The following ZNF567 variants were observed in gnomAD, a reference collection of about 807,000 sequenced individuals.
ZNF567 encodes zinc finger protein 567.
In ZNF567, 36 loss-of-function variants were observed where a neutral mutation model predicts 53.9. The ratio of observed to expected loss-of-function variants is 0.67; its 90% CI spans 0.51 to 0.88. The LOEUF is 0.88. ZNF567 is among the 40% of genes least tolerant of loss of function. The pLI, the probability that ZNF567 is intolerant of heterozygous loss-of-function variation, is 0.00. For missense variants in ZNF567, 619 were observed against 764.7 expected (o/e 0.81, Z 2.25); for synonymous variants, 224 against 260.4 (o/e 0.86, Z 1.35).
At position 36,719,948 on chromosome 19, in the gene ZNF567, T is replaced by G. The variant is rs778567221; in HGVS notation, c.1224T>G (p.Leu408=). ...CGKSFHQKAN[L]TVHQRTHTGE... Reference sequence around the variant, plus strand: ...AGTCCTTTCACCAGAAGGCAAATCTTACTGTACATCAGAGAACTCATACAG... The same window carrying G: ...AGTCCTTTCACCAGAAGGCAAATCTGACTGTACATCAGAGAACTCATACAG... The change falls in exon 6 of 6, where the codon CTT becomes CTG. Residue 408 remains leucine (L), a synonymous_variant. Coordinates refer to ENST00000682579, the MANE Select transcript of ZNF567 (RefSeq NM_001322917.1). 35 of 1,613,350 alleles carry G rather than the reference T, an allele frequency of 2.2e-5. 1 individual carries two copies. In the South Asian group the frequency reaches 3.7e-4, roughly 17 times the overall value.
intron 3 of ZNF567, among the ~76,000 whole-genome samples, chr19:36,695,567 C>A (rs2145613675): frequency 6.6e-6 from 1 of 152,010 alleles, no homozygotes; most frequent in African/African-American, 2.4e-5. Flanking sequence ...GGTGCAGTGG[C>A]ATGCACCTGT....
At chr19:36,721,745 T>TTTC (rs2040304560), downstream of ZNF567, among the ~76,000 whole-genome samples, 1 of 102,652 alleles carries the variant, frequency 9.7e-6, no homozygotes, top group African/African-American at 4.7e-5. Context: ...TTTTTTTTTC[T>TTTC]TTTTTTTTTT....
intron 2 of ZNF567, among the ~76,000 whole-genome samples, chr19:36,693,145 G>A (rs186075679): frequency 1.7e-4 from 26 of 151,976 alleles, no homozygotes; most frequent in African/African-American, 4.8e-4. Flanking sequence ...AAAGTTAGCC[G>A]GTCTTGATGG....
intron 5 of ZNF567, among the ~76,000 whole-genome samples, chr19:36,714,182 G>A (rs933326188): frequency 6.6e-6 from 1 of 152,012 alleles, no homozygotes; most frequent in Non-Finnish European, 1.5e-5. Context: ...TTGTTTTTGA[G>A]ATGGAGTCTT....
the ZNF567 span, among the ~76,000 whole-genome samples, chr19:36,676,102 T>TG: frequency 7.5e-6 from 1 of 134,020 alleles, no homozygotes; most frequent in Non-Finnish European, 1.6e-5. Flanking sequence ...AGTCTCACTC[T>TG]GTTGCCCAGG....
the ZNF567 span, among the ~76,000 whole-genome samples, chr19:36,676,055 C>CTTTTTTTTTTTTT: frequency 8.7e-4 from 53 of 60,618 alleles, 14 homozygotes; most frequent in Non-Finnish European, 1.1e-3. Context: ...TATTCTACAC[C>CTTTTTTTTTTTTT]TTTTTTTTTT....
At chr19:36,712,354 A>C in intron 3 of ZNF567, 32 bp from the exon 4 acceptor site, 1 of 1,605,066 alleles carries the variant, frequency 6.2e-7, no homozygotes, top group Non-Finnish European at 8.5e-7. Context: ...GGCTAAGTCC[A>C]CCTGTTCTGA....
At chr19:36,672,396 AGG>A in the ZNF567 span, among the ~76,000 whole-genome samples, 1 of 152,244 alleles carries the variant, frequency 6.6e-6, no homozygotes, top group Non-Finnish European at 1.5e-5. Context: ...TACTTACCAA[AGG>A]GTAACCTTAG....
the ZNF567 span, among the ~76,000 whole-genome samples, chr19:36,678,679 T>TA: frequency 1.3e-5 from 2 of 149,874 alleles, no homozygotes; most frequent in Admixed American, 1.3e-4. Context: ...CCATCTCTAC[T>TA]AAAAAATACA....
intron 2 of ZNF567, among the ~76,000 whole-genome samples, chr19:36,694,492 T>A (rs1199344241): frequency 6.6e-6 from 1 of 152,146 alleles, no homozygotes; most frequent in Non-Finnish European, 1.5e-5. Flanking sequence ...GTACTATGAA[T>A]GGTACAGCCT....
chr19:36,698,455 G>A (rs1320345766), intron 3 of ZNF567, among the ~76,000 whole-genome samples: 20 of 150,834 alleles, frequency 1.3e-4, no homozygotes, highest in South Asian at 2.1e-4. Context: ...TGGGATGGCT[G>A]GGTCAAATGG....
At chr19:36,706,320 G>C (rs1174978255) in intron 3 of ZNF567, among the ~76,000 whole-genome samples, 1 of 152,182 alleles carries the variant, frequency 6.6e-6, no homozygotes, top group Non-Finnish European at 1.5e-5. Flanking sequence ...TCGAGATAGG[G>C]CCTCGCTTTG....
At chr19:36,671,599 G>A in the ZNF567 span, among the ~76,000 whole-genome samples, 1 of 152,210 alleles carries the variant, frequency 6.6e-6, no homozygotes, top group Non-Finnish European at 1.5e-5. Flanking sequence ...TCAAGTGTCA[G>A]TAGCAGAGAG....
chr19:36,668,955 G>A, the ZNF567 span: 7 of 152,116 alleles, frequency 4.6e-5, no homozygotes, highest in African/African-American at 1.7e-4. Flanking sequence ...AAATATCTGG[G>A]AAAAGAAGTT....
At chr19:36,702,330 C>T (rs559906156) in intron 3 of ZNF567, among the ~76,000 whole-genome samples, 307 of 152,034 alleles carry the variant, frequency 2.0e-3, no homozygotes, top group African/African-American at 6.9e-3. Flanking sequence ...GTGGGTAACC[C>T]GACCTTTCTC....
chr19:36,703,918 G>A (rs934367120), intron 3 of ZNF567, among the ~76,000 whole-genome samples: 2 of 152,178 alleles, frequency 1.3e-5, no homozygotes, highest in Admixed American at 6.5e-5. Flanking sequence ...TTCGTCTCGC[G>A]CATGGTGCGC....
At chr19:36,724,012 T>C (rs1305272872), downstream of ZNF567, among the ~76,000 whole-genome samples, 3 of 147,388 alleles carry the variant, frequency 2.0e-5, no homozygotes, top group African/African-American at 7.5e-5. Context: ...TTCTTTTTTT[T>C]TTTTTTTTTT....
At chr19:36,705,761 T>A (rs998316102) in intron 3 of ZNF567, among the ~76,000 whole-genome samples, 1 of 152,212 alleles carries the variant, frequency 6.6e-6, no homozygotes, top group African/African-American at 2.4e-5. Context: ...AGGAAGAAAG[T>A]TGAAATCTTC....
intron 5 of ZNF567, chr19:36,714,478 CT>C: frequency 2.5e-6 from 1 of 398,474 alleles, no homozygotes; most frequent in Non-Finnish European, 4.4e-6. Flanking sequence ...TAATAGATTT[CT>C]TTCAGGCTTT....
Sources: gnomAD v4.1 joint callset for allele counts (sites outside exome capture counted in the v4.1 genomes callset) on GRCh38, gnomAD v4.1.1 for gene constraint, MANE v1.5 for transcripts, NCBI Gene and HGNC (gene_info 2026-07-23, HGNC 2026-07-21) for gene names.